Variants in CLRN1 observed in about 807,000 individuals in gnomAD.
CLRN1 encodes clarin 1.
CLRN1 carries 15 observed loss-of-function variants against 18.7 expected under a neutral mutation model. The ratio of observed to expected loss-of-function variants is 0.80; its 90% CI spans 0.54 to 1.23. CLRN1 has a LOEUF of 1.23. Ranked by LOEUF, CLRN1 falls within the 50% of genes most tolerant of loss-of-function variation. CLRN1 has a pLI of 0.00. For synonymous variants in CLRN1, 104 were observed against 102.9 expected (o/e 1.01, Z -0.07); for missense variants, 311 against 277.5 (o/e 1.12, Z -0.86).
rs773629907 is a variant in CLRN1 at position 150,928,160 on chromosome 3, C to A, written c.475G>T (p.Val159Leu). 6.2e-7 allele frequency: 1 copy of A among 1,614,006 alleles called. No individual in the cohort carries two copies. The highest frequency in any genetic ancestry group is 1.1e-5 in the South Asian group (1 of 91,030). ...CLVMILFASE[V>L]KIHHLSEKIA... ...TTTTCTGAGAGGTGATGGATTTTCA[C>A]TTCAGAGGCAAACAATATCATGACA... The change falls in exon 3 of 3, where the codon GTG (valine) becomes TTG (leucine). Residue 159 changes from valine (V) to leucine (L), a missense_variant. By Grantham distance (32) the Val-to-Leu change is conservative (BLOSUM62 1). Transcript: ENST00000327047.
intron 2 of CLRN1, among the ~76,000 whole-genome samples, chr3:150,938,239 C>G (rs1713607728): frequency 6.6e-6 from 1 of 152,178 alleles, no homozygotes. Context: ...GAGAACCAGT[C>G]AGTGGAAGAG....
At chr3:150,963,896 C>T (rs1204244158) in intron 1 of CLRN1, among the ~76,000 whole-genome samples, 2 of 152,128 alleles carry the variant, frequency 1.3e-5, no homozygotes, top group South Asian at 4.1e-4. Context: ...TTCCTTATAC[C>T]TTATACAAAA....
chr3:150,941,744 T>G lies in CLRN1; in HGVS notation c.271A>C (p.Lys91Gln), dbSNP rs1414632605. 1 of 1,614,034 alleles carries G rather than the reference T, an allele frequency of 6.2e-7. No individual in the cohort carries two copies. Among genetic ancestry groups the G allele is most frequent in the Non-Finnish European group, 8.5e-7 (1 of 1,179,908 alleles). Residue 91 changes from lysine to glutamine, a missense_variant, in exon 2 of 3, where the codon AAA becomes CAA. Lys to Gln is a moderately conservative substitution (Grantham distance 53). Coordinates refer to ENST00000327047, the MANE Select transcript of CLRN1 (RefSeq NM_174878.3). ...FRFSFFPDLL[K>Q]AIPVSIHVNV... is the part of the protein sequence containing the mutation. Reference sequence around the variant, plus strand: ...ACGTGGATGCTCACTGGGATTGCTTTGAGCAAATCTGGAAAAACTGAAGAT... The same window carrying G: ...ACGTGGATGCTCACTGGGATTGCTTGGAGCAAATCTGGAAAAACTGAAGAT...
At position 150,935,989 on chromosome 3, in the gene CLRN1, GTTGT is replaced by G. The variant is rs1409519489; in HGVS notation, c.433+5589_433+5592del. Among the ~76,000 whole-genome samples the G allele has an allele frequency of 3.9e-5, 6 of 151,914 alleles. No homozygotes were observed. The East Asian group carries it at 9.6e-4, about 24-fold the overall frequency. On this transcript the variant is annotated intron_variant, in intron 2 of 2. Coordinates refer to ENST00000327047, the MANE Select transcript of CLRN1 (RefSeq NM_174878.3). Reference sequence around the variant, plus strand: ...TGTCCTTCACCCACTTTTTGATGGGGTTGTTTGTTTTTTTCTTGTAAATTTGTTT... The same window carrying G: ...TGTCCTTCACCCACTTTTTGATGGGGTTGTTTTTTTCTTGTAAATTTGTTT...
rs188057083 is a variant in CLRN1, at chr3:150,965,216, A to C, written c.253+7240T>G. On this transcript the variant is annotated intron_variant, in intron 1 of 2. Coordinates refer to ENST00000327047, the MANE Select transcript of CLRN1 (RefSeq NM_174878.3). ...ATCCCAAGTCTGCTACCTATTAGCT[A>C]TGTGACTTTGGAAAATTGTGGTGAC... Among the ~76,000 whole-genome samples the C allele has an allele frequency of 3.9e-3, 597 of 152,254 alleles. 6 individuals carry two copies. Among genetic ancestry groups the C allele is most frequent in the Non-Finnish European group, 3.9e-3 (266 of 68,016 alleles).
At chr3:150,940,796 G>A (rs944572633) in intron 2 of CLRN1, among the ~76,000 whole-genome samples, 1 of 152,208 alleles carries the variant, frequency 6.6e-6, no homozygotes, top group African/African-American at 2.4e-5. Context: ...GCACAGACTG[G>A]GTTTTATATT....
intron 1 of CLRN1, among the ~76,000 whole-genome samples, chr3:150,965,043 G>A (rs1453912094): frequency 6.6e-6 from 1 of 152,038 alleles, no homozygotes; most frequent in Non-Finnish European, 1.5e-5. Context: ...AGAATTTAAA[G>A]TATAATAAAA....
chr3:150,941,394 CA>C lies in CLRN1; in HGVS notation c.433+187del. The C allele has an allele frequency of 1.0e-5, 6 of 599,160 alleles. No individual in the cohort carries two copies. The South Asian group carries it at 1.3e-4, about 13-fold the overall frequency. 37.1% of individuals were successfully genotyped at this position (599,160 alleles called of 1,614,324 possible). On this transcript the variant is annotated intron_variant, in intron 2 of 2. Coordinates refer to ENST00000327047, the MANE Select transcript of CLRN1 (RefSeq NM_174878.3). ...CATCACAGTTATTCATATAGATGTC[CA>C]TAAAGTATTTATTGAATTCCCTACT...
chr3:150,945,642 T>A (rs1390844245), intron 1 of CLRN1: 1 of 1,284,664 alleles, frequency 7.8e-7, no homozygotes, highest in Non-Finnish European at 1.0e-6. Flanking sequence ...GCCAGGTCAT[T>A]TGACTGCTGA....
intron 1 of CLRN1, among the ~76,000 whole-genome samples, chr3:150,952,317 C>T (rs1044717266): frequency 9.9e-5 from 15 of 152,226 alleles, no homozygotes; most frequent in African/African-American, 3.6e-4. Context: ...AGGCACTAAG[C>T]GCAGCTCCCA....
At chr3:150,970,338 G>A (rs1039468692) in intron 1 of CLRN1, among the ~76,000 whole-genome samples, 5 of 152,194 alleles carry the variant, frequency 3.3e-5, no homozygotes, top group African/African-American at 1.2e-4. Flanking sequence ...GTTGCAATGG[G>A]AGTGTAAACT....
chr3:150,953,793 C>T (rs1020652260), intron 1 of CLRN1, among the ~76,000 whole-genome samples: 6 of 152,208 alleles, frequency 3.9e-5, no homozygotes, highest in African/African-American at 1.4e-4. Flanking sequence ...GCTGGGATTA[C>T]AGGTGTGAGT....
Position 150,927,424 on chromosome 3 carries a change from C to T in CLRN1, c.*512G>A. Reference sequence around the variant, plus strand: ...ACAGGTGTGAGTCACCACGCCTGGCCTAAGAGTATACTTTAAACAAATTTT... The same window carrying T: ...ACAGGTGTGAGTCACCACGCCTGGCTTAAGAGTATACTTTAAACAAATTTT... On this transcript the variant is annotated 3_prime_UTR_variant, in exon 3 of 3. Coordinates refer to ENST00000327047, the MANE Select transcript of CLRN1 (RefSeq NM_174878.3). 4.4e-6 allele frequency: 2 copies of T among 451,562 alleles called. No individual in the cohort carries two copies. Among genetic ancestry groups the T allele is most frequent in the South Asian group, 3.1e-5 (2 of 63,778 alleles). 28.0% of individuals were successfully genotyped at this position (451,562 alleles called of 1,614,324 possible).
chr3:150,932,687 G>A (rs1290647634), intron 2 of CLRN1, among the ~76,000 whole-genome samples: 1 of 152,186 alleles, frequency 6.6e-6, no homozygotes, highest in African/African-American at 2.4e-5. Context: ...CTAAAATTAT[G>A]TAAATGTCAC....
At chr3:150,952,087 G>GGAC (rs1227202860) in intron 1 of CLRN1, among the ~76,000 whole-genome samples, 1 of 152,184 alleles carries the variant, frequency 6.6e-6, no homozygotes, top group African/African-American at 2.4e-5. Flanking sequence ...AGGACTTGCA[G>GGAC]TTGTCCACTA....
rs754322606 is a variant in CLRN1 at position 150,927,973 on chromosome 3, G to C, written c.662C>G (p.Ala221Gly). 2 of 1,614,136 alleles carry C rather than the reference G, an allele frequency of 1.2e-6. No individual in the cohort carries two copies. The highest frequency in any genetic ancestry group is 1.7e-6 in the Non-Finnish European group (2 of 1,180,026). Residue 221 changes from alanine (A) to glycine (G), a missense_variant, in exon 3 of 3, where the codon GCA becomes GGA. Ala to Gly is a moderately conservative substitution (Grantham distance 60). Transcript: ENST00000327047. ...FQFPFAKSKD[A>G]ETTNVAADLM... ...ATCTGCAGCTACATTAGTTGTTTCT[G>C]CGTCTTTAGATTTTGCAAAAGGGAA... is the stretch of plus-strand genomic sequence containing the variant.
At chr3:150,968,852 C>A (rs931183462) in intron 1 of CLRN1, among the ~76,000 whole-genome samples, 2 of 152,244 alleles carry the variant, frequency 1.3e-5, no homozygotes, top group Non-Finnish European at 2.9e-5. Context: ...AATCAGACAT[C>A]CCCTCCTCCA....
Position 150,943,818 on chromosome 3 carries a change from A to G in CLRN1, c.254-2057T>C, listed in dbSNP as rs778574679. 2 of 1,614,002 alleles carry G rather than the reference A, an allele frequency of 1.2e-6. No homozygotes were observed. The highest frequency in any genetic ancestry group is 4.5e-5 in the East Asian group (2 of 44,886). Reference sequence around the variant, plus strand: ...GGGCCCTGGGGTTGCAGGCACCCCTACCTGGTTGCTGCTGCAGGGCCTGCA... The same window carrying G: ...GGGCCCTGGGGTTGCAGGCACCCCTGCCTGGTTGCTGCTGCAGGGCCTGCA... On this transcript the variant is annotated intron_variant, in intron 1 of 2. Coordinates refer to ENST00000327047, the MANE Select transcript of CLRN1 (RefSeq NM_174878.3).
chr3:150,931,034 T>A (rs1280909825), intron 2 of CLRN1, among the ~76,000 whole-genome samples: 2 of 152,172 alleles, frequency 1.3e-5, no homozygotes, highest in Admixed American at 6.5e-5. Flanking sequence ...CGTTGTCGTT[T>A]CAGGGACAGA....
Sources: gnomAD v4.1 joint callset for allele counts (sites outside exome capture counted in the v4.1 genomes callset) on GRCh38, gnomAD v4.1.1 for gene constraint, MANE v1.5 for transcripts, NCBI Gene and HGNC (gene_info 2026-07-23, HGNC 2026-07-21) for gene names.